Variants in APOBEC4 observed in about 807,000 individuals in gnomAD.
APOBEC4 encodes putative deaminase APOBEC-4.
For synonymous variants in APOBEC4, 141 were observed against 154.2 expected, an observed-to-expected ratio of 0.91 and a Z score of 0.63; for missense variants, 375 against 441.2, an observed-to-expected ratio of 0.85 and a Z score of 1.34.
Position 183,653,239 on chromosome 1 carries a change from T to A in APOBEC4, c.-198A>T, listed in dbSNP as rs1377641817. 6.6e-6 allele frequency: 1 copy of A among 152,202 alleles called. No individual in the cohort carries two copies. The highest frequency in any genetic ancestry group is 1.5e-5 in the Non-Finnish European group (1 of 68,038). The allele number at this position is 152,202 out of a possible 1,614,324, so 9.4% of individuals were successfully genotyped here. On this transcript the variant is annotated 5_prime_UTR_variant, in exon 1 of 2. Coordinates refer to ENST00000308641, the MANE Select transcript of APOBEC4 (RefSeq NM_203454.3). ...GTTCAGGACTCTTTCACAGTTTGTG[T>A]CTATTCGTTCATTTGAACTTTGCTG... is the stretch of plus-strand genomic sequence containing the variant.
intron 1 of APOBEC4, among the ~76,000 whole-genome samples, chr1:183,649,044 AG>A (rs796301887): frequency 3.9e-5 from 6 of 152,368 alleles, no homozygotes; most frequent in African/African-American, 1.4e-4. Flanking sequence ...ATTCCAAGTC[AG>A]TAAAGCAAAT....
chr1:183,647,536 A>G lies in APOBEC4; in HGVS notation c.*142T>C, dbSNP rs1250307742. 3 of 1,292,190 alleles carry G rather than the reference A, an allele frequency of 2.3e-6. No individual in the cohort carries two copies. Among genetic ancestry groups the G allele is most frequent in the African/African-American group, 1.5e-5 (1 of 67,550 alleles). 80.0% of individuals were successfully genotyped at this position (1,292,190 alleles called of 1,614,324 possible). A position where few individuals can be genotyped will look rare whatever the true frequency, so the allele number is the denominator to read the frequency against. On this transcript the variant is annotated 3_prime_UTR_variant, in exon 2 of 2. Transcript: ENST00000308641. ...ATAGTGTAACTTTATAATAGTTGATATGGTAAATAATTCAAGGTTTGCTTT... is the reference window on the plus strand; with the variant it reads ...ATAGTGTAACTTTATAATAGTTGATGTGGTAAATAATTCAAGGTTTGCTTT...
At chr1:183,652,365 T>TA (rs1180060831) in intron 1 of APOBEC4, among the ~76,000 whole-genome samples, 1 of 152,218 alleles carries the variant, frequency 6.6e-6, no homozygotes, top group Non-Finnish European at 1.5e-5. Flanking sequence ...GGGAGCTCTG[T>TA]AGTCTCATTC....
At position 183,646,366 on chromosome 1, in the gene APOBEC4, A is replaced by G. The variant is rs984001678; in HGVS notation, c.*1312T>C. 1.3e-5 allele frequency: 2 copies of G among 151,904 alleles called. No individual in the cohort carries two copies. The highest frequency in any genetic ancestry group is 3.9e-4 in the East Asian group (2 of 5,192). 9.4% of individuals were successfully genotyped at this position (151,904 alleles called of 1,614,324 possible). A position where few individuals can be genotyped will look rare whatever the true frequency, so the allele number is the denominator to read the frequency against. On this transcript the variant is annotated 3_prime_UTR_variant, in exon 2 of 2. Transcript: ENST00000308641. ...TTTTCTTTCTCCTCCTCCCTTATGGAGTATTAAATGTTTTAATGTCATGGC... is the reference window on the plus strand; with the variant it reads ...TTTTCTTTCTCCTCCTCCCTTATGGGGTATTAAATGTTTTAATGTCATGGC...
rs149685528 is a variant in APOBEC4 at position 183,648,107 on chromosome 1, G to A, written c.675C>T (p.Asn225=). Residue 225 remains asparagine, a synonymous_variant, in exon 2 of 2, where the codon AAC becomes AAT. Transcript: ENST00000308641. ...LTGRALADRH[N]AYEINAITGV... Reference sequence around the variant, plus strand: ...CTGTTATGGCATTGATTTCATATGCGTTGTGCCTGTCAGCCAGTGCTCTCC... The same window carrying A: ...CTGTTATGGCATTGATTTCATATGCATTGTGCCTGTCAGCCAGTGCTCTCC... 1.6e-4 allele frequency: 259 copies of A among 1,614,198 alleles called. 2 individuals are homozygous for A. The African/African-American group carries it at 2.8e-3, about 17-fold the overall frequency.
At chr1:183,651,159 T>G (rs1440962292) in intron 1 of APOBEC4, among the ~76,000 whole-genome samples, 1 of 152,194 alleles carries the variant, frequency 6.6e-6, no homozygotes, top group African/African-American at 2.4e-5. Flanking sequence ...TTTTTTCTTA[T>G]TGTATTTAGA....
chr1:183,651,609 G>A (rs1451912652), intron 1 of APOBEC4, among the ~76,000 whole-genome samples: 1 of 152,212 alleles, frequency 6.6e-6, no homozygotes, highest in Non-Finnish European at 1.5e-5. Context: ...ATATCCTGCA[G>A]TAACTCTGGC....
chr1:183,651,814 T>C (rs1019773033), intron 1 of APOBEC4, among the ~76,000 whole-genome samples: 4 of 152,170 alleles, frequency 2.6e-5, no homozygotes, highest in African/African-American at 9.7e-5. Context: ...CAGTGGACGA[T>C]CTCTTGGAAC....
At chr1:183,651,990 G>GT (rs373898762) in intron 1 of APOBEC4, among the ~76,000 whole-genome samples, 154 of 152,204 alleles carry the variant, frequency 1.0e-3, no homozygotes, top group African/African-American at 3.5e-3. Flanking sequence ...ACTTATGGGT[G>GT]GTACACCGGA....
In APOBEC4 at chr1:183,648,646, TGA is replaced by T. The variant is rs761340418; in HGVS notation, c.134_135del (p.Leu45HisfsTer25). ...IRTGEEARVS[L>X]TEFCQIFGFP... ...AATCCAAAAATCTGACAAAATTCTGTGAGGGAAACTCTTGCTTCTTCACCTGT... is the reference window on the plus strand; with the variant it reads ...AATCCAAAAATCTGACAAAATTCTGTGGGAAACTCTTGCTTCTTCACCTGT... On this transcript the variant is annotated frameshift_variant, in exon 2 of 2. Coordinates refer to ENST00000308641, the MANE Select transcript of APOBEC4 (RefSeq NM_203454.3). LOFTEE classifies it low-confidence loss of function (END_TRUNC). 18 of 1,614,120 alleles carry T rather than the reference TGA, an allele frequency of 1.1e-5. No individual in the cohort carries two copies. Among genetic ancestry groups the T allele is most frequent in the Non-Finnish European group, 1.5e-5 (18 of 1,180,040 alleles).
intron 1 of APOBEC4, 87 bp from the exon 2 acceptor site, chr1:183,648,898 A>G (rs1337704109): frequency 6.1e-6 from 5 of 814,420 alleles, no homozygotes; most frequent in Non-Finnish European, 7.7e-6. Flanking sequence ...ACTTTCTTTA[A>G]AGGAAGTAGC....
In APOBEC4 at chr1:183,646,381, A is replaced by C. The variant is rs1468847990; in HGVS notation, c.*1297T>G. The C allele has an allele frequency of 6.6e-6, 1 of 151,974 alleles. No individual in the cohort carries two copies. The highest frequency in any genetic ancestry group is 1.5e-5 in the Non-Finnish European group (1 of 67,978). 9.4% of individuals were successfully genotyped at this position (151,974 alleles called of 1,614,324 possible). ...TCCCTTATGGAGTATTAAATGTTTT[A>C]ATGTCATGGCAAACTCTTTTATTAG... On this transcript the variant is annotated 3_prime_UTR_variant, in exon 2 of 2. Transcript: ENST00000308641.
intron 1 of APOBEC4, 150 bp downstream of exon 1, chr1:183,652,922 G>A (rs997614200): frequency 6.6e-5 from 10 of 152,186 alleles, no homozygotes; most frequent in Non-Finnish European, 1.3e-4. Context: ...ACACCATAAG[G>A]ACAATCTGCT....
In APOBEC4 at chr1:183,647,595, C is replaced by CATATA; in HGVS notation, c.*82_*83insTATAT. 6.7e-7 allele frequency: 1 copy of CATATA among 1,495,198 alleles called. No individual in the cohort carries two copies. The allele number at this position is 1,495,198 out of a possible 1,614,324, so 92.6% of individuals were successfully genotyped here. A position where few individuals can be genotyped will look rare whatever the true frequency, so the allele number is the denominator to read the frequency against. On this transcript the variant is annotated 3_prime_UTR_variant, in exon 2 of 2. Transcript: ENST00000308641. ...CAGTTTATCTCCATCTTGGCTCAGC[C>CATATA]CTGAGAGAGAAAGTTTCCAGATTTT...
intron 1 of APOBEC4, among the ~76,000 whole-genome samples, chr1:183,650,412 A>G (rs6424899): frequency 0.019 from 2,956 of 152,120 alleles, 87 homozygotes; most frequent in African/African-American, 0.068. Flanking sequence ...GTGTGGTGGC[A>G]TGCGCCTGTA....
intron 1 of APOBEC4, among the ~76,000 whole-genome samples, chr1:183,649,921 C>T (rs1283766173): frequency 6.6e-6 from 1 of 152,158 alleles, no homozygotes; most frequent in African/African-American, 2.4e-5. Context: ...AAGTGATCCT[C>T]CTGCCTCAGC....
At chr1:183,650,638 A>G (rs766645284) in intron 1 of APOBEC4, among the ~76,000 whole-genome samples, 4 of 151,682 alleles carry the variant, frequency 2.6e-5, no homozygotes, top group Non-Finnish European at 4.4e-5. Flanking sequence ...TTATTATAAC[A>G]CTTTGATAAA....
Position 183,647,836 on chromosome 1 carries a change from T to G in APOBEC4, c.946A>C (p.Ile316Leu), listed in dbSNP as rs542021279. ...MGQNPNKPRNIVRHLNMPQMS... is the reference protein window; with the variant it reads ...MGQNPNKPRNLVRHLNMPQMS... Reference sequence around the variant, plus strand: ...TGAGGCATATTTAAGTGCCTTACGATATTCCTGGGTTTATTTGGGTTTTGG... The same window carrying G: ...TGAGGCATATTTAAGTGCCTTACGAGATTCCTGGGTTTATTTGGGTTTTGG... Residue 316 changes from isoleucine (I) to leucine (L), a missense_variant, in exon 2 of 2, where the codon ATC (isoleucine) becomes CTC (leucine). Ile to Leu is a conservative substitution (Grantham distance 5, BLOSUM62 2). Coordinates refer to ENST00000308641, the MANE Select transcript of APOBEC4 (RefSeq NM_203454.3). 5.0e-5 allele frequency: 81 copies of G among 1,614,222 alleles called. 3 individuals carry two copies. The South Asian group carries it at 7.9e-4, about 16-fold the overall frequency.
chr1:183,652,472 C>T (rs1162771961), intron 1 of APOBEC4, among the ~76,000 whole-genome samples: 4 of 152,222 alleles, frequency 2.6e-5, no homozygotes, highest in Non-Finnish European at 5.9e-5. Flanking sequence ...TGATCACCCT[C>T]ATCTGAAGAG....
Sources: allele counts gnomAD v4.1 joint callset (sites outside exome capture counted in the v4.1 genomes callset), GRCh38; gene constraint gnomAD v4.1.1; transcripts MANE v1.5; gene names NCBI Gene and HGNC (gene_info 2026-07-23, HGNC 2026-07-21).